Variants in LRMDA observed in about 807,000 individuals in gnomAD.
The protein encoded by LRMDA is leucine-rich melanocyte differentiation-associated protein.
Under a neutral mutation model 29.8 loss-of-function variants are expected in LRMDA, and 18 were observed. The observed-to-expected ratio is 0.60, with a 90% CI of 0.42 to 0.90. LRMDA has a LOEUF of 0.90. Ranked by LOEUF, LRMDA falls within the 40% of genes least tolerant of loss-of-function variation. The pLI, the probability that LRMDA is intolerant of heterozygous loss-of-function variation, is 0.00. For missense variants in LRMDA, 273 were observed against 273.9 expected (o/e 1.00, Z 0.02); for synonymous variants, 125 against 109.4 (o/e 1.14, Z -0.89).
chr10:76,009,531 C>A (rs977203156), intron 2 of LRMDA, among the ~76,000 whole-genome samples: 1 of 152,114 alleles, frequency 6.6e-6, no homozygotes, highest in East Asian at 1.9e-4. Context: ...GTGTGGATTG[C>A]GGGCCAGGAG....
At chr10:76,393,812 T>C (rs1841751571) in intron 6 of LRMDA, among the ~76,000 whole-genome samples, 1 of 152,212 alleles carries the variant, frequency 6.6e-6, no homozygotes, top group Non-Finnish European at 1.5e-5. Context: ...TTGAAGTCTT[T>C]AATCCACTTT....
intron 2 of LRMDA, among the ~76,000 whole-genome samples, chr10:75,719,571 A>G (rs1394220787): frequency 6.6e-6 from 1 of 152,172 alleles, no homozygotes; most frequent in Non-Finnish European, 1.5e-5. Context: ...GAAAGAGGTT[A>G]TTTTCCCTAG....
chr10:75,934,096 C>T (rs914011343), intron 2 of LRMDA, among the ~76,000 whole-genome samples: 5 of 152,172 alleles, frequency 3.3e-5, no homozygotes, highest in Non-Finnish European at 7.4e-5. Flanking sequence ...TCCTTCATTT[C>T]TGAGTCTGCA....
intron 5 of LRMDA, among the ~76,000 whole-genome samples, chr10:76,093,903 C>T (rs1383946030): frequency 6.6e-6 from 1 of 152,142 alleles, no homozygotes; most frequent in Non-Finnish European, 1.5e-5. Context: ...GTTGATAGCT[C>T]ATCTTGAGTT....
chr10:75,900,432 T>G (rs1845651382), intron 2 of LRMDA, among the ~76,000 whole-genome samples: 1 of 152,174 alleles, frequency 6.6e-6, no homozygotes, highest in African/African-American at 2.4e-5. Context: ...TGTTTATGGT[T>G]CCCGGTTCCC....
At chr10:75,852,170 CAACTT>C (rs1844742963) in intron 2 of LRMDA, among the ~76,000 whole-genome samples, 1 of 152,208 alleles carries the variant, frequency 6.6e-6, no homozygotes, top group Admixed American at 6.5e-5. Flanking sequence ...CATCTTGTCT[CAACTT>C]AACTTCCAGC....
At chr10:75,525,589 T>TTTA (rs1384625686) in intron 2 of LRMDA, among the ~76,000 whole-genome samples, 3 of 109,862 alleles carry the variant, frequency 2.7e-5, no homozygotes, top group African/African-American at 9.9e-5. Flanking sequence ...TCTTTCTTTC[T>TTTA]TTCTTTTTTT....
chr10:75,464,334 A>G (rs1274217703), intron 2 of LRMDA, among the ~76,000 whole-genome samples: 1 of 152,216 alleles, frequency 6.6e-6, no homozygotes, highest in Non-Finnish European at 1.5e-5. Flanking sequence ...TTGTGTTAGC[A>G]GAAATTATGT....
At chr10:75,866,327 A>T (rs1167769255) in intron 2 of LRMDA, among the ~76,000 whole-genome samples, 1 of 152,254 alleles carries the variant, frequency 6.6e-6, no homozygotes, top group Non-Finnish European at 1.5e-5. Context: ...GAGATGGGCA[A>T]CACTCAGCTT....
At chr10:76,107,981 G>A (rs73283391) in intron 5 of LRMDA, among the ~76,000 whole-genome samples, 3,699 of 152,252 alleles carry the variant, frequency 0.024, 161 homozygotes, top group African/African-American at 0.084. Context: ...GACAGACTGA[G>A]TCAGAATCAC....
chr10:76,275,821 T>G (rs1479559119), intron 5 of LRMDA, among the ~76,000 whole-genome samples: 1 of 152,168 alleles, frequency 6.6e-6, no homozygotes, highest in African/African-American at 2.4e-5. Flanking sequence ...CTCTTCCTCT[T>G]CTCTTTATAT....
chr10:76,485,393 G>T (rs1001687386), intron 6 of LRMDA, among the ~76,000 whole-genome samples: 13 of 151,796 alleles, frequency 8.6e-5, no homozygotes, highest in African/African-American at 3.1e-4. Context: ...ACCACATTAT[G>T]GATAGTGTGG....
At chr10:76,470,200 A>G (rs1842604004) in intron 6 of LRMDA, among the ~76,000 whole-genome samples, 1 of 152,168 alleles carries the variant, frequency 6.6e-6, no homozygotes, top group Non-Finnish European at 1.5e-5. Context: ...TAAGGGAAGT[A>G]ATACAGGCTG....
intron 6 of LRMDA, chr10:76,433,774 T>A (rs1842216336): frequency 1.3e-5 from 2 of 152,264 alleles, no homozygotes; most frequent in African/African-American, 4.8e-5. Flanking sequence ...TAACCATTCT[T>A]ATTTGTCATG....
chr10:75,521,498 C>T (rs562790689), intron 2 of LRMDA, among the ~76,000 whole-genome samples: 4 of 152,310 alleles, frequency 2.6e-5, no homozygotes, highest in Non-Finnish European at 4.4e-5. Flanking sequence ...GCTCCGTGGG[C>T]GTGGGGCCCA....
chr10:75,495,883 C>A (rs1188069819), intron 2 of LRMDA, among the ~76,000 whole-genome samples: 2 of 152,196 alleles, frequency 1.3e-5, no homozygotes, highest in African/African-American at 2.4e-5. Context: ...GAAAGACAGG[C>A]CCTTCCACTG....
intron 6 of LRMDA, among the ~76,000 whole-genome samples, chr10:76,350,196 C>G (rs34668410): frequency 1.3e-5 from 2 of 151,698 alleles, no homozygotes; most frequent in African/African-American, 4.8e-5. Flanking sequence ...AAATTCTGAC[C>G]TGATAGGAAC....
chr10:75,914,857 A>G (rs1845903203), intron 2 of LRMDA, among the ~76,000 whole-genome samples: 2 of 152,228 alleles, frequency 1.3e-5, no homozygotes, highest in African/African-American at 4.8e-5. Context: ...ATACAGGGCA[A>G]CATGACCTCT....
intron 5 of LRMDA, among the ~76,000 whole-genome samples, chr10:76,190,231 T>A (rs1851220894): frequency 2.0e-5 from 3 of 151,092 alleles, no homozygotes; most frequent in South Asian, 2.1e-4. Flanking sequence ...AATTAGGATT[T>A]AAAAAAAAAA....
Sources: gnomAD v4.1 joint callset for allele counts (sites outside exome capture counted in the v4.1 genomes callset) on GRCh38, gnomAD v4.1.1 for gene constraint, MANE v1.5 for transcripts, NCBI Gene and HGNC (gene_info 2026-07-23, HGNC 2026-07-21) for gene names.